The following UST variants were observed in gnomAD, a reference collection of about 807,000 sequenced individuals.
UST encodes the protein uronyl 2-sulfotransferase, also known as chondroitin sulfate 2-O-sulfotransferase.
In UST, 21 loss-of-function variants were observed where a neutral mutation model predicts 45.6. The observed-to-expected ratio is 0.46, with a 90% CI of 0.33 to 0.66. The LOEUF (loss-of-function observed/expected upper bound fraction) is 0.66. Ranked by LOEUF, UST falls within the 30% of genes least tolerant of loss-of-function variation. The probability of loss-of-function intolerance (pLI) is 0.02; values close to 1 mark genes in which losing one functional copy is unlikely to be tolerated. For synonymous variants in UST, 215 were observed against 200.6 expected, an observed-to-expected ratio of 1.07 and a Z score of -0.61; for missense variants, 463 against 512.4, an observed-to-expected ratio of 0.90 and a Z score of 0.93.
At chr6:148,900,201 A>C (rs891817037) in intron 2 of UST, among the ~76,000 whole-genome samples, 1 of 152,096 alleles carries the variant, frequency 6.6e-6, no homozygotes, top group Admixed American at 6.5e-5. Context: ...GGAGTTGATG[A>C]AGTCTCTCCT....
At position 149,073,905 on chromosome 6, in the gene UST, T is replaced by C; in HGVS notation, c.1010T>C (p.Leu337Pro). The C allele has an allele frequency of 6.2e-7, 1 of 1,614,170 alleles. No individual in the cohort carries two copies. Among genetic ancestry groups the C allele is most frequent in the Non-Finnish European group, 8.5e-7 (1 of 1,180,022 alleles). Residue 337 changes from leucine (L) to proline (P), a missense_variant, in exon 8 of 8, where the codon CTC (leucine) becomes CCC (proline). This residue lies in a region of UST where 287 missense variants were observed against 374.2 expected (regional missense o/e 0.77). Transcript: ENST00000367463. ...TVPSPEAVQI[L>P]YQRMRYEYEF... Reference sequence around the variant, plus strand: ...CCCTCTCCTGAGGCTGTGCAGATCCTCTACCAGCGGATGAGATACGAGTAC... The same window carrying C: ...CCCTCTCCTGAGGCTGTGCAGATCCCCTACCAGCGGATGAGATACGAGTAC...
chr6:148,813,713 A>G (rs774117462), intron 1 of UST, among the ~76,000 whole-genome samples: 20 of 152,182 alleles, frequency 1.3e-4, no homozygotes, highest in Non-Finnish European at 2.9e-4. Flanking sequence ...AAACTTGACC[A>G]TTACGAAATA....
rs1438571297 is a variant in UST at position 149,075,388 on chromosome 6, A to G, written c.*1272A>G. The G allele has an allele frequency of 1.3e-5, 2 of 152,146 alleles. No homozygotes were observed. Among genetic ancestry groups the G allele is most frequent in the Non-Finnish European group, 2.9e-5 (2 of 68,034 alleles). The allele number at this position is 152,146 out of a possible 1,614,324, so 9.4% of individuals were successfully genotyped here. A position where few individuals can be genotyped will look rare whatever the true frequency, so the allele number is the denominator to read the frequency against. The stretch of plus-strand genomic sequence containing the variant: ...CTGAGTTCTGTGCAGGTAGAGTCCC[A>G]TTTCTTATGGGACCTGTGTGCTCCT... On this transcript the variant is annotated 3_prime_UTR_variant, in exon 8 of 8. Coordinates refer to ENST00000367463, the MANE Select transcript of UST (RefSeq NM_005715.3).
intron 1 of UST, among the ~76,000 whole-genome samples, chr6:148,784,716 G>T (rs1169081042): frequency 6.6e-6 from 1 of 152,218 alleles, no homozygotes; most frequent in Non-Finnish European, 1.5e-5. Flanking sequence ...GTAAATATTT[G>T]TTGAATGAAT....
chr6:148,955,282 A>G (rs1780466020), intron 4 of UST, among the ~76,000 whole-genome samples: 1 of 152,246 alleles, frequency 6.6e-6, no homozygotes. Flanking sequence ...CTGACAACCC[A>G]CCTGGCTGGA....
At chr6:149,071,105 G>A (rs1303904957) in intron 7 of UST, among the ~76,000 whole-genome samples, 1 of 152,064 alleles carries the variant, frequency 6.6e-6, no homozygotes, top group African/African-American at 2.4e-5. Context: ...ATTATTATTG[G>A]CTATAGTCAC....
chr6:149,007,744 A>AG (rs1562327910), intron 5 of UST, among the ~76,000 whole-genome samples: 2 of 151,644 alleles, frequency 1.3e-5, no homozygotes, highest in African/African-American at 4.9e-5. Flanking sequence ...CATTTAAGAC[A>AG]GGGGGTTTTT....
At chr6:148,985,353 C>T (rs1396828902) in intron 5 of UST, among the ~76,000 whole-genome samples, 1 of 151,776 alleles carries the variant, frequency 6.6e-6, no homozygotes, top group Non-Finnish European at 1.5e-5. Flanking sequence ...CCAGAGTCAC[C>T]CATTTTTTAG....
At chr6:148,938,621 G>C (rs2114919540) in intron 2 of UST, among the ~76,000 whole-genome samples, 1 of 152,124 alleles carries the variant, frequency 6.6e-6, no homozygotes, top group Non-Finnish European at 1.5e-5. Context: ...ATGACCTTCT[G>C]TTATGAGTAT....
intron 1 of UST, among the ~76,000 whole-genome samples, chr6:148,764,934 TC>T (rs1257363458): frequency 4.6e-5 from 7 of 152,234 alleles, no homozygotes; most frequent in Middle Eastern, 6.8e-3. Flanking sequence ...GTGTGTTTCA[TC>T]CCTATCTATA....
At chr6:148,986,761 A>G (rs1781245644) in intron 5 of UST, among the ~76,000 whole-genome samples, 1 of 152,196 alleles carries the variant, frequency 6.6e-6, no homozygotes, top group African/African-American at 2.4e-5. Flanking sequence ...CCCTGTGGAG[A>G]GCTTGCCATG....
At chr6:149,063,804 T>C (rs1046097720) in intron 7 of UST, among the ~76,000 whole-genome samples, 1 of 152,128 alleles carries the variant, frequency 6.6e-6, no homozygotes, top group Non-Finnish European at 1.5e-5. Context: ...CAAAGATAAA[T>C]GGGGTATCGC....
intron 3 of UST, among the ~76,000 whole-genome samples, chr6:148,942,133 G>A (rs1780138941): frequency 6.6e-6 from 1 of 152,120 alleles, no homozygotes. Context: ...GTGTTCTCAT[G>A]GTCATTTTAC....
chr6:148,929,884 A>G (rs1779889463), intron 2 of UST, among the ~76,000 whole-genome samples: 1 of 152,194 alleles, frequency 6.6e-6, no homozygotes, highest in Non-Finnish European at 1.5e-5. Context: ...TTTTCCTTGC[A>G]TATCATACGT....
At chr6:148,915,294 G>A (rs1405971927) in intron 2 of UST, among the ~76,000 whole-genome samples, 1 of 152,166 alleles carries the variant, frequency 6.6e-6, no homozygotes, top group Non-Finnish European at 1.5e-5. Context: ...CCTCTGAGTG[G>A]TATGACATCC....
At chr6:149,027,335 A>G (rs1481766037) in intron 7 of UST, among the ~76,000 whole-genome samples, 3 of 152,236 alleles carry the variant, frequency 2.0e-5, no homozygotes, top group Non-Finnish European at 4.4e-5. Context: ...TTATTCTTTA[A>G]GGAAAGGACA....
At chr6:148,949,723 G>A (rs1385940337) in intron 3 of UST, among the ~76,000 whole-genome samples, 1 of 152,102 alleles carries the variant, frequency 6.6e-6, no homozygotes, top group Admixed American at 6.5e-5. Context: ...AATATTTGTG[G>A]GGTGTATGTT....
intron 1 of UST, among the ~76,000 whole-genome samples, chr6:148,834,065 A>T (rs945947130): frequency 8.5e-5 from 13 of 152,052 alleles, no homozygotes; most frequent in African/African-American, 2.4e-4. Context: ...TAGATATGTA[A>T]TTTTTTCCAT....
intron 2 of UST, among the ~76,000 whole-genome samples, chr6:148,928,200 G>A (rs779124648): frequency 3.3e-5 from 5 of 152,066 alleles, no homozygotes; most frequent in Non-Finnish European, 7.4e-5. Context: ...TAAAACCTGG[G>A]GCTCTTGCCC....
Sources: gnomAD v4.1 joint callset for allele counts (sites outside exome capture counted in the v4.1 genomes callset) on GRCh38, gnomAD v4.1.1 for gene constraint, gnomAD v4.1.1 regional missense constraint, MANE v1.5 for transcripts, NCBI Gene and HGNC (gene_info 2026-07-23, HGNC 2026-07-21) for gene names.